The following TRAF3IP3 variants were observed in gnomAD, a reference collection of about 807,000 sequenced individuals.
TRAF3IP3 encodes TRAF3 interacting protein 3.
In TRAF3IP3, 64 loss-of-function variants were observed where a neutral mutation model predicts 86.5. The observed-to-expected ratio is 0.74, with a 90% CI of 0.60 to 0.91. The LOEUF (loss-of-function observed/expected upper bound fraction) is 0.91, where lower values mean the gene tolerates loss of function less well. Among genes scored for constraint, TRAF3IP3 ranks in the 40% least tolerant of loss-of-function variants. TRAF3IP3 has a pLI of 0.00. For missense variants in TRAF3IP3, 579 were observed against 642.9 expected (o/e 0.90, Z 1.07); for synonymous variants, 220 against 243.9 (o/e 0.90, Z 0.91).
At chr1:209,779,502 G>A in intron 14 of TRAF3IP3, 128 bp downstream of exon 14, 1 of 801,124 alleles carries the variant, frequency 1.2e-6, no homozygotes. Context: ...TCCGGGATGT[G>A]TGGGAGCTTT....
intron 8 of TRAF3IP3, among the ~76,000 whole-genome samples, chr1:209,770,220 C>G (rs1484539798): frequency 6.6e-6 from 1 of 152,218 alleles, no homozygotes; most frequent in South Asian, 2.1e-4. Context: ...CACCCCCTGC[C>G]GCCCTCACTC....
chr1:209,765,386 T>A (rs1274813589), intron 8 of TRAF3IP3, among the ~76,000 whole-genome samples: 2 of 152,110 alleles, frequency 1.3e-5, no homozygotes, highest in Admixed American at 6.5e-5. Flanking sequence ...AGAAAAACAG[T>A]CTGGGTGCGG....
At chr1:209,762,770 T>C in intron 4 of TRAF3IP3, 43 bp from the exon 5 acceptor site, 1 of 1,613,098 alleles carries the variant, frequency 6.2e-7, no homozygotes, top group Non-Finnish European at 8.5e-7. Context: ...TTCCCTCACT[T>C]CCTCCCTGTA....
chr1:209,777,455 A>G lies in TRAF3IP3; in HGVS notation c.1157A>G (p.Asp386Gly). The G allele has an allele frequency of 6.2e-7, 1 of 1,614,060 alleles. No individual in the cohort carries two copies. The highest frequency in any genetic ancestry group is 8.5e-7 in the Non-Finnish European group (1 of 1,179,974). Reference sequence around the variant, plus strand: ...ATTGAATGCCTGCAAGGGGACAGAGACCTGTGCAGCTTGGATACCCAGGAC... The same window carrying G: ...ATTGAATGCCTGCAAGGGGACAGAGGCCTGTGCAGCTTGGATACCCAGGAC... Reference protein sequence around the residue: ...AKIECLQGDRDLCSLDTQDLQ... With the variant: ...AKIECLQGDRGLCSLDTQDLQ... The change falls in exon 12 of 17, where the codon GAC (aspartate) becomes GGC (glycine). Residue 386 changes from aspartate (D) to glycine (G), a missense_variant. Asp to Gly is a moderately conservative substitution (Grantham distance 94, BLOSUM62 -1). Coordinates refer to ENST00000367025, the MANE Select transcript of TRAF3IP3 (RefSeq NM_025228.4).
Position 209,763,529 on chromosome 1 carries a change from T to C in TRAF3IP3, c.644T>C (p.Met215Thr). The change falls in exon 8 of 17, where the codon ATG (methionine) becomes ACG (threonine). Residue 215 changes from methionine to threonine, a missense_variant. Met to Thr is a moderately conservative substitution (Grantham distance 81). Coordinates refer to ENST00000367025, the MANE Select transcript of TRAF3IP3 (RefSeq NM_025228.4). The stretch of plus-strand genomic sequence containing the variant: ...AGGGAGCTGGTCCTAAAACAGAAAA[T>C]GGTGATTCTCCAAGACCTACTGTCC... ...LQRELVLKQK[M>T]VILQDLLSTL... is the part of the protein sequence containing the mutation. 1.2e-6 allele frequency: 2 copies of C among 1,614,118 alleles called. No homozygotes were observed. Among genetic ancestry groups the C allele is most frequent in the Non-Finnish European group, 1.7e-6 (2 of 1,180,024 alleles).
intron 8 of TRAF3IP3, chr1:209,768,462 G>T (rs2102461427): frequency 1.0e-6 from 1 of 985,602 alleles, no homozygotes; most frequent in South Asian, 4.7e-5. Context: ...TGGGTTTGAA[G>T]ATCTGCGTCC....
chr1:209,758,098 T>C (rs1222168957), intron 1 of TRAF3IP3, among the ~76,000 whole-genome samples: 1 of 152,174 alleles, frequency 6.6e-6, no homozygotes, highest in Non-Finnish European at 1.5e-5. Flanking sequence ...GGAGTTCACA[T>C]GCACATAATC....
At chr1:209,768,566 C>G in intron 8 of TRAF3IP3, 2 of 985,668 alleles carry the variant, frequency 2.0e-6, no homozygotes, top group African/African-American at 3.5e-5. Context: ...TGGGCTGGTG[C>G]TTCTGTGGTG....
chr1:209,764,700 C>T (rs1454521215), intron 8 of TRAF3IP3, among the ~76,000 whole-genome samples: 1 of 149,486 alleles, frequency 6.7e-6, no homozygotes, highest in African/African-American at 2.5e-5. Context: ...GCTGAGATCA[C>T]CTCATTGCAC....
Position 209,762,533 on chromosome 1 carries a change from GAA to G in TRAF3IP3, c.365_366del (p.Glu122GlyfsTer18). The G allele has an allele frequency of 1.4e-6, 2 of 1,471,542 alleles. No individual in the cohort carries two copies. Among genetic ancestry groups the G allele is most frequent in the Non-Finnish European group, 9.0e-7 (1 of 1,110,698 alleles). 91.2% of individuals were successfully genotyped at this position (1,471,542 alleles called of 1,614,324 possible). ...PREQVTGTSS[E>X]VFPAQHPPPS... Reference sequence around the variant, plus strand: ...CTTCCAGGTGACAGGCACCAGCTCTGAAGTCTTTCCAGCCCAGCATCCTCCTC... The same window carrying G: ...CTTCCAGGTGACAGGCACCAGCTCTGGTCTTTCCAGCCCAGCATCCTCCTC... On this transcript the variant is annotated frameshift_variant, in exon 4 of 17. Coordinates refer to ENST00000367025, the MANE Select transcript of TRAF3IP3 (RefSeq NM_025228.4). LOFTEE classifies it high-confidence loss of function.
rs1003155368 is a variant in TRAF3IP3 at position 209,761,247 on chromosome 1, G to A, written c.345+863G>A. On this transcript the variant is annotated intron_variant, in intron 3 of 16. Transcript: ENST00000367025. Reference sequence around the variant, plus strand: ...CATCTGGTCCAGGAAGCTTTCCCTGGCTTCTCCAGGCCACCTCTGCTGTCT... The same window carrying A: ...CATCTGGTCCAGGAAGCTTTCCCTGACTTCTCCAGGCCACCTCTGCTGTCT... Among the ~76,000 whole-genome samples, 177 of 152,236 alleles carry A rather than the reference G, an allele frequency of 1.2e-3. 1 individual carries two copies. Among genetic ancestry groups the A allele is most frequent in the African/African-American group, 4.1e-3 (170 of 41,520 alleles).
intron 8 of TRAF3IP3, among the ~76,000 whole-genome samples, chr1:209,772,585 G>A (rs2077569227): frequency 6.6e-6 from 1 of 152,184 alleles, no homozygotes; most frequent in Non-Finnish European, 1.5e-5. Context: ...CCACGTACAA[G>A]ACTGAGAAGA....
intron 9 of TRAF3IP3, 120 bp from the exon 10 acceptor site, chr1:209,775,229 C>T (rs1221209086): frequency 8.6e-6 from 8 of 928,128 alleles, no homozygotes; most frequent in Non-Finnish European, 1.3e-5. Flanking sequence ...AAATGGCTCA[C>T]TAGATTACTG....
intron 15 of TRAF3IP3, chr1:209,780,811 T>C: frequency 2.8e-6 from 1 of 362,434 alleles, no homozygotes; most frequent in South Asian, 8.8e-5. Flanking sequence ...TTCAAGGTTT[T>C]ATTAAATGAT....
At position 209,772,276 on chromosome 1, in the gene TRAF3IP3, ATCTC is replaced by A. The variant is rs556118828; in HGVS notation, c.703-666_703-663del. On this transcript the variant is annotated intron_variant, in intron 8 of 16. Coordinates refer to ENST00000367025, the MANE Select transcript of TRAF3IP3 (RefSeq NM_025228.4). ...CTCTCTTCCTGGCTTACAGATTGCC[ATCTC>A]TCTCTGTGTCTCCACATGGCCTTCC... is the stretch of plus-strand genomic sequence containing the variant. 2.6e-4 allele frequency among the ~76,000 whole-genome samples: 39 copies of A among 152,224 alleles called. No individual in the cohort carries two copies. The East Asian group carries it at 7.3e-3, about 29-fold the overall frequency.
Position 209,760,183 on chromosome 1 carries a change from G to T in TRAF3IP3, c.144G>T (p.Thr48=), listed in dbSNP as rs2076149. The T allele has an allele frequency of 1.9e-6, 3 of 1,614,200 alleles. No homozygotes were observed. The highest frequency in any genetic ancestry group is 2.5e-6 in the Non-Finnish European group (3 of 1,180,040). ...CCACTTGCCGCCAGGTGGGGAAGAC[G>T]CTGAGGATCCAACAGAGAGAGCAGC... The part of the protein sequence containing the change: ...NVTTCRQVGK[T]LRIQQREQLQ... The change falls in exon 3 of 17, where the codon ACG becomes ACT. Residue 48 remains threonine, a synonymous_variant. Transcript: ENST00000367025.
intron 8 of TRAF3IP3, among the ~76,000 whole-genome samples, chr1:209,770,912 G>C (rs1268910581): frequency 1.4e-5 from 2 of 140,768 alleles, no homozygotes; most frequent in African/African-American, 5.3e-5. Context: ...GTGTGCGTGT[G>C]CAGGTGAAGG....
At position 209,780,581 on chromosome 1, in the gene TRAF3IP3, T is replaced by C; in HGVS notation, c.1424T>C (p.Leu475Ser). ...AGAGACCAGCTGCAAAAGAAGACTTTGCAGCTCCAGGCCAAGGAAAAGGAG... is the reference window on the plus strand; with the variant it reads ...AGAGACCAGCTGCAAAAGAAGACTTCGCAGCTCCAGGCCAAGGAAAAGGAG... ...DLRDQLQKKT[L>S]QLQAKEKECR... is the part of the protein sequence containing the mutation. The change falls in exon 15 of 17, where the codon TTG becomes TCG. Residue 475 changes from leucine (L) to serine (S), a missense_variant. Coordinates refer to ENST00000367025, the MANE Select transcript of TRAF3IP3 (RefSeq NM_025228.4). 1.3e-6 allele frequency: 2 copies of C among 1,595,864 alleles called. No individual in the cohort carries two copies. The highest frequency in any genetic ancestry group is 1.7e-6 in the Non-Finnish European group (2 of 1,169,836).
chr1:209,775,430 T>C lies in TRAF3IP3; in HGVS notation c.856T>C (p.Ser286Pro), dbSNP rs2077631668. The C allele has an allele frequency of 6.2e-7, 1 of 1,613,786 alleles. No individual in the cohort carries two copies. Among genetic ancestry groups the C allele is most frequent in the Non-Finnish European group, 8.5e-7 (1 of 1,179,944 alleles). ...CAGCTATGAGCAGAAGGCCAAGGAG[T>C]CACTGCAGAAAGTGCTGGAGGAGAA... ...KNSYEQKAKE[S>P]LQKVLEEKMN... The change falls in exon 10 of 17, where the codon TCA becomes CCA. Residue 286 changes from serine to proline, a missense_variant. Coordinates refer to ENST00000367025, the MANE Select transcript of TRAF3IP3 (RefSeq NM_025228.4).
Sources: gnomAD v4.1 joint callset for allele counts (sites outside exome capture counted in the v4.1 genomes callset) on GRCh38, gnomAD v4.1.1 for gene constraint, MANE v1.5 for transcripts, NCBI Gene and HGNC (gene_info 2026-07-23, HGNC 2026-07-21) for gene names.